Variants in ARL16 observed in about 807,000 individuals in gnomAD.
ARL16 encodes ADP-ribosylation factor-like protein 16.
Under a neutral mutation model 14.1 loss-of-function variants are expected in ARL16, and 21 were observed. The observed-to-expected ratio is 1.48, with a 90% CI of 1.05 to 2.14. The LOEUF (loss-of-function observed/expected upper bound fraction) is 2.14, where lower values mean the gene tolerates loss of function less well. Among genes scored for constraint, ARL16 ranks in the 30% most tolerant of loss-of-function variants. ARL16 has a pLI of 0.00. For synonymous variants in ARL16, 122 were observed against 91.8 expected (o/e 1.33, Z -1.88); for missense variants, 248 against 222.0 (o/e 1.12, Z -0.74).
Position 81,681,855 on chromosome 17 carries a change from C to A in ARL16, c.375G>T (p.Thr125=), listed in dbSNP as rs773968833. ...GCCTGATTAATGACTTCATCTCCTCCGTGGACATGTAACAGGGTAGGTCGC... is the reference window on the plus strand; with the variant it reads ...GCCTGATTAATGACTTCATCTCCTCAGTGGACATGTAACAGGGTAGGTCGC... ...NKIDLPCYMS[T]EEMKSLIRLP... is the part of the protein sequence containing the mutation. Residue 125 remains threonine (T), a synonymous_variant, in exon 5 of 5, where the codon ACG becomes ACT. Coordinates refer to ENST00000622299, the MANE Select transcript of ARL16 (RefSeq NM_001040025.3). 29 of 1,612,796 alleles carry A rather than the reference C, an allele frequency of 1.8e-5. No homozygotes were observed. Among genetic ancestry groups the A allele is most frequent in the African/African-American group, 2.7e-5 (2 of 74,892 alleles).
intron 2 of ARL16, 92 bp from the exon 3 acceptor site, chr17:81,683,218 G>T: frequency 8.3e-7 from 1 of 1,202,582 alleles, no homozygotes; most frequent in Non-Finnish European, 1.2e-6. Flanking sequence ...TTACACGGTG[G>T]CCTGAACCCC....
In ARL16 at chr17:81,683,064, C is replaced by A; in HGVS notation, c.183G>T (p.Gly61=). ...AACTGGACCAGATGGGGCCCATGCA[C>A]CCCCCAAGCTCCCGGATGGTGATCT... ...QRKITIRELG[G]CMGPIWSSYY... Residue 61 remains glycine, a synonymous_variant, in exon 3 of 5, where the codon GGG becomes GGT. Transcript: ENST00000622299. 1 of 1,613,458 alleles carries A rather than the reference C, an allele frequency of 6.2e-7. No individual in the cohort carries two copies. Among genetic ancestry groups the A allele is most frequent in the African/African-American group, 1.3e-5 (1 of 75,002 alleles).
chr17:81,683,696 G>C lies in ARL16; in HGVS notation c.58C>G (p.Gln20Glu), dbSNP rs1465638226. Residue 20 changes from glutamine to glutamate, a missense_variant, in exon 1 of 5, where the codon CAG becomes GAG. Transcript: ENST00000622299. ...CCGTCCCCGCGCGGAAGGATATCCT[G>C]CAGCCGTTTCACCAGCAGCGTCTTC... is the stretch of plus-strand genomic sequence containing the variant. ...VGKTLLVKRLQEVSSRDGKGD... is the reference protein window; with the variant it reads ...VGKTLLVKRLEEVSSRDGKGD... 5.6e-6 allele frequency: 9 copies of C among 1,604,466 alleles called. No individual in the cohort carries two copies. The African/African-American group carries it at 8.0e-5, about 14-fold the overall frequency.
In ARL16 at chr17:81,681,958, C is replaced by T. The variant is rs1318210148; in HGVS notation, c.350+76G>A. On this transcript the variant is annotated intron_variant, in intron 4 of 4. Coordinates refer to ENST00000622299, the MANE Select transcript of ARL16 (RefSeq NM_001040025.3). ...GACCCCCAGCTGCACCACCTCCCTA[C>T]CGAGCCATGCTTCCGGCTGTAACCC... 3.8e-6 allele frequency: 6 copies of T among 1,560,166 alleles called. No homozygotes were observed. The Admixed American group carries it at 1.1e-4, about 29-fold the overall frequency.
rs375089359 is a variant in ARL16 at position 81,683,700 on chromosome 17, C to T, written c.54G>A (p.Arg18=). The part of the protein sequence containing the change: ...TGVGKTLLVK[R]LQEVSSRDGK... ...CCCCGCGCGGAAGGATATCCTGCAG[C>T]CGTTTCACCAGCAGCGTCTTCCCGA... is the stretch of plus-strand genomic sequence containing the variant. The change falls in exon 1 of 5, where the codon CGG becomes CGA. Residue 18 remains arginine (R), a synonymous_variant. Transcript: ENST00000622299. 3.9e-4 allele frequency: 630 copies of T among 1,605,056 alleles called. 1 individual carries two copies. Among genetic ancestry groups the T allele is most frequent in the Admixed American group, 2.5e-4 (15 of 58,904 alleles).
intron 2 of ARL16, 162 bp downstream of exon 2, chr17:81,683,374 G>T: frequency 9.5e-7 from 1 of 1,054,076 alleles, no homozygotes; most frequent in East Asian, 2.7e-5. Flanking sequence ...CCCTCATCCC[G>T]CGCCAATTAT....
At chr17:81,682,704 C>T (rs915936095) in intron 3 of ARL16, 10 of 380,640 alleles carry the variant, frequency 2.6e-5, no homozygotes, top group African/African-American at 1.3e-4. Context: ...ACCAGAGGTA[C>T]GTATAAGTCC....
intron 2 of ARL16, 31 bp from the exon 3 acceptor site, chr17:81,683,157 A>G: frequency 6.3e-7 from 1 of 1,578,850 alleles, no homozygotes; most frequent in Non-Finnish European, 8.6e-7. Flanking sequence ...CAAAAAGAAC[A>G]ATACAACCGC....
At chr17:81,682,817 G>A (rs2036876568) in intron 3 of ARL16, 196 bp downstream of exon 3, 1 of 591,360 alleles carries the variant, frequency 1.7e-6, no homozygotes, top group South Asian at 2.0e-5. Context: ...CTCCTACCGG[G>A]GGCCTGGGAG....
Position 81,683,095 on chromosome 17 carries a change from T to C in ARL16, c.152A>G (p.Gln51Arg). Residue 51 changes from glutamine to arginine, a missense_variant, in exon 3 of 5, where the codon CAG becomes CGG. Physicochemically the swap from Gln to Arg is conservative, Grantham distance 43. Transcript: ENST00000622299. ...VGTNLTDIVA[Q>R]RKITIRELGG... is the part of the protein sequence containing the mutation. ...AAGCTCCCGGATGGTGATCTTTCTC[T>C]GTGCCACGATGTCAGTAAGATTGGT... is the stretch of plus-strand genomic sequence containing the variant. 1.9e-6 allele frequency: 3 copies of C among 1,610,480 alleles called. No individual in the cohort carries two copies. The highest frequency in any genetic ancestry group is 2.2e-5 in the South Asian group (2 of 90,442).
chr17:81,683,047 C>A lies in ARL16; in HGVS notation c.200G>T (p.Trp67Leu). ...ACGGCAGTTTCCATAGTAACTGGAC[C>A]AGATGGGGCCCATGCACCCCCCAAG... ...RELGGCMGPI[W>L]SSYYGNCRSL... The change falls in exon 3 of 5, where the codon TGG becomes TTG. Residue 67 changes from tryptophan to leucine, a missense_variant. By Grantham distance (61) the Trp-to-Leu change is moderately conservative. Transcript: ENST00000622299. 6.2e-7 allele frequency: 1 copy of A among 1,613,722 alleles called. No individual in the cohort carries two copies. The highest frequency in any genetic ancestry group is 1.1e-5 in the South Asian group (1 of 91,080).
At position 81,683,766 on chromosome 17, in the gene ARL16, T is replaced by G. The variant is rs372861397; in HGVS notation, c.-13A>C. 7.5e-6 allele frequency: 12 copies of G among 1,607,216 alleles called. No individual in the cohort carries two copies. In the East Asian group the frequency reaches 2.0e-4, roughly 27 times the overall value. On this transcript the variant is annotated 5_prime_UTR_variant, in exon 1 of 5. Coordinates refer to ENST00000622299, the MANE Select transcript of ARL16 (RefSeq NM_001040025.3). ...GCAGGAGACACATTCCGTGCTTCGC[T>G]CCACCCGGCACCCGTAGCTCGGCGC...
chr17:81,683,740 A>C lies in ARL16; in HGVS notation c.14T>G (p.Leu5Arg). The change falls in exon 1 of 5, where the codon CTG (leucine) becomes CGG (arginine). Residue 5 changes from leucine (L) to arginine (R), a missense_variant. Coordinates refer to ENST00000622299, the MANE Select transcript of ARL16 (RefSeq NM_001040025.3). ...CGTCTTCCCGACGCCCGTGGCCCCC[A>C]GCAGGAGACACATTCCGTGCTTCGC... Reference protein sequence around the residue: MCLLLGATGVGKTLL... With the variant: MCLLRGATGVGKTLL... 6.2e-7 allele frequency: 1 copy of C among 1,608,120 alleles called. No individual in the cohort carries two copies. The highest frequency in any genetic ancestry group is 8.5e-7 in the Non-Finnish European group (1 of 1,178,928).
In ARL16 at chr17:81,682,486, C is replaced by G. The variant is rs537801137; in HGVS notation, c.235-337G>C. On this transcript the variant is annotated intron_variant, in intron 3 of 4. Coordinates refer to ENST00000622299, the MANE Select transcript of ARL16 (RefSeq NM_001040025.3). Reference sequence around the variant, plus strand: ...CTCCATCTCCTGACCTCGTGATTCGCCCACCTCAGCTTCCCAAAGTGCTGG... The same window carrying G: ...CTCCATCTCCTGACCTCGTGATTCGGCCACCTCAGCTTCCCAAAGTGCTGG... 3.8e-5 allele frequency: 7 copies of G among 186,326 alleles called. No homozygotes were observed. In the South Asian group the frequency reaches 7.0e-4, roughly 19 times the overall value. The allele number at this position is 186,326 out of a possible 1,614,324, so 11.5% of individuals were successfully genotyped here.
Position 81,683,397 on chromosome 17 carries a change from C to G in ARL16, c.120+139G>C, listed in dbSNP as rs2036896651. 10 of 1,190,194 alleles carry G rather than the reference C, an allele frequency of 8.4e-6. No individual in the cohort carries two copies. In the South Asian group the frequency reaches 1.1e-4, roughly 13 times the overall value. 73.7% of individuals were successfully genotyped at this position (1,190,194 alleles called of 1,614,324 possible). On this transcript the variant is annotated intron_variant, in intron 2 of 4. Coordinates refer to ENST00000622299, the MANE Select transcript of ARL16 (RefSeq NM_001040025.3). ...CCGCGCCAATTATCCTCAGCTCGGGCCGTCCCCCGCTCCCGAAGGCTGGCC... is the reference window on the plus strand; with the variant it reads ...CCGCGCCAATTATCCTCAGCTCGGGGCGTCCCCCGCTCCCGAAGGCTGGCC...
At position 81,683,081 on chromosome 17, in the gene ARL16, T is replaced by A; in HGVS notation, c.166A>T (p.Ile56Phe). 1 of 1,612,400 alleles carries A rather than the reference T, an allele frequency of 6.2e-7. No individual in the cohort carries two copies. The highest frequency in any genetic ancestry group is 8.5e-7 in the Non-Finnish European group (1 of 1,179,438). The change falls in exon 3 of 5, where the codon ATC becomes TTC. Residue 56 changes from isoleucine (I) to phenylalanine (F), a missense_variant. Physicochemically the swap from Ile to Phe is conservative, Grantham distance 21. Transcript: ENST00000622299. ...CCCATGCACCCCCCAAGCTCCCGGA[T>A]GGTGATCTTTCTCTGTGCCACGATG... ...TDIVAQRKIT[I>F]RELGGCMGPI...
chr17:81,683,659 C>A lies in ARL16; in HGVS notation c.61+34G>T, dbSNP rs753220870. The A allele has an allele frequency of 6.3e-6, 10 of 1,593,240 alleles. No individual in the cohort carries two copies. In the East Asian group the frequency reaches 9.1e-5, roughly 15 times the overall value. On this transcript the variant is annotated intron_variant, in intron 1 of 4. Coordinates refer to ENST00000622299, the MANE Select transcript of ARL16 (RefSeq NM_001040025.3). Reference sequence around the variant, plus strand: ...TCCCCGCCCCACTCCGGGTGCCCCCCGCGCCCCGGTCCCGTCCCCGCGCGG... The same window carrying A: ...TCCCCGCCCCACTCCGGGTGCCCCCAGCGCCCCGGTCCCGTCCCCGCGCGG...
intron 3 of ARL16, chr17:81,682,752 G>A (rs1430108356): frequency 5.8e-6 from 3 of 517,146 alleles, no homozygotes; most frequent in South Asian, 4.8e-5. Flanking sequence ...GACACAGAGG[G>A]CCAAGTCTGT....
chr17:81,683,779 C>T lies in ARL16; in HGVS notation c.-26G>A. On this transcript the variant is annotated 5_prime_UTR_variant, in exon 1 of 5. Coordinates refer to ENST00000622299, the MANE Select transcript of ARL16 (RefSeq NM_001040025.3). ...TCCGTGCTTCGCTCCACCCGGCACC[C>T]GTAGCTCGGCGCCGCGGCTCAAGGC... 1.2e-6 allele frequency: 2 copies of T among 1,606,170 alleles called. No homozygotes were observed. Among genetic ancestry groups the T allele is most frequent in the Non-Finnish European group, 1.7e-6 (2 of 1,179,482 alleles).
Sources: gnomAD v4.1 joint callset for allele counts on GRCh38, gnomAD v4.1.1 for gene constraint, MANE v1.5 for transcripts, NCBI Gene and HGNC (gene_info 2026-07-23, HGNC 2026-07-21) for gene names.